The following GALNT14 variants were observed in gnomAD, a reference collection of about 807,000 sequenced individuals.
GALNT14 encodes UDP-GalNAc:polypeptide N-acetylgalactosaminyltransferase 14.
In GALNT14, 60 loss-of-function variants were observed where a neutral mutation model predicts 77.5. The ratio of observed to expected loss-of-function variants is 0.77; its 90% confidence interval spans 0.63 to 0.96. The LOEUF (loss-of-function observed/expected upper bound fraction) is 0.96, where lower values mean the gene tolerates loss of function less well. Ranked by LOEUF, GALNT14 falls within the 40% of genes least tolerant of loss-of-function variation. The probability of loss-of-function intolerance (pLI) is 0.00; values close to 1 mark genes in which losing one functional copy is unlikely to be tolerated. For synonymous variants in GALNT14, 280 were observed against 281.7 expected (o/e 0.99, Z 0.06); for missense variants, 710 against 731.0 (o/e 0.97, Z 0.33).
intron 1 of GALNT14, among the ~76,000 whole-genome samples, chr2:31,037,573 A>C (rs1403094492): frequency 6.6e-6 from 1 of 152,094 alleles, no homozygotes; most frequent in African/African-American, 2.4e-5. Context: ...CATATCTCTT[A>C]ATCTTTGCTG....
At chr2:31,004,656 C>A (rs1670560450) in intron 1 of GALNT14, among the ~76,000 whole-genome samples, 1 of 152,126 alleles carries the variant, frequency 6.6e-6, no homozygotes, top group South Asian at 2.1e-4. Flanking sequence ...AGAGCAGCCT[C>A]CAACAGGACA....
chr2:31,002,298 T>A (rs932989001), intron 1 of GALNT14, among the ~76,000 whole-genome samples: 1 of 152,068 alleles, frequency 6.6e-6, no homozygotes, highest in East Asian at 1.9e-4. Context: ...GGCGTGGTGA[T>A]GTGCGCCCGT....
chr2:31,055,192 C>G (rs1674133756), intron 1 of GALNT14, among the ~76,000 whole-genome samples: 1 of 152,232 alleles, frequency 6.6e-6, no homozygotes, highest in African/African-American at 2.4e-5. Flanking sequence ...TCGCTGCTCT[C>G]AAATGGATCA....
intron 1 of GALNT14, among the ~76,000 whole-genome samples, chr2:31,058,022 G>A (rs534381842): frequency 6.6e-6 from 1 of 152,254 alleles, no homozygotes; most frequent in South Asian, 2.1e-4. Flanking sequence ...CCCTCCACCA[G>A]TAACACTATT....
intron 2 of GALNT14, among the ~76,000 whole-genome samples, chr2:30,971,906 C>G (rs566057197): frequency 6.6e-6 from 1 of 152,206 alleles, no homozygotes; most frequent in East Asian, 1.9e-4. Context: ...CAGCCTATAA[C>G]GGAGAGCGTG....
At chr2:31,031,510 C>T (rs994243929) in intron 1 of GALNT14, among the ~76,000 whole-genome samples, 4 of 152,088 alleles carry the variant, frequency 2.6e-5, no homozygotes, top group African/African-American at 9.7e-5. Context: ...CATGGCCATG[C>T]AAATCCTTTG....
intron 1 of GALNT14, among the ~76,000 whole-genome samples, chr2:31,010,463 A>T (rs1333414243): frequency 6.6e-6 from 1 of 152,154 alleles, no homozygotes; most frequent in East Asian, 1.9e-4. Flanking sequence ...ATAAATAAAT[A>T]AATTAGCCGG....
chr2:30,961,003 G>A (rs925389380), intron 3 of GALNT14, among the ~76,000 whole-genome samples: 2 of 152,226 alleles, frequency 1.3e-5, no homozygotes, highest in African/African-American at 4.8e-5. Context: ...GTACACAGGT[G>A]GCTTCTACAC....
chr2:31,092,419 T>C (rs1171185855), intron 1 of GALNT14, among the ~76,000 whole-genome samples: 1 of 151,928 alleles, frequency 6.6e-6, no homozygotes, highest in East Asian at 1.9e-4. Context: ...ATCATCACAG[T>C]TGGGGTTAAG....
At chr2:30,986,743 C>T (rs913360760) in intron 2 of GALNT14, among the ~76,000 whole-genome samples, 9 of 152,168 alleles carry the variant, frequency 5.9e-5, no homozygotes, top group African/African-American at 9.7e-5. Flanking sequence ...ACAGTGAATT[C>T]GTTATTTAAA....
intron 1 of GALNT14, among the ~76,000 whole-genome samples, chr2:31,043,817 G>C (rs1186717198): frequency 6.6e-6 from 1 of 152,160 alleles, no homozygotes; most frequent in African/African-American, 2.4e-5. Context: ...TATAAATAAA[G>C]AATGAAAATA....
chr2:31,093,343 C>T (rs1676849921), intron 1 of GALNT14, among the ~76,000 whole-genome samples: 1 of 152,176 alleles, frequency 6.6e-6, no homozygotes, highest in Non-Finnish European at 1.5e-5. Flanking sequence ...ACAGATTAGT[C>T]TCATTTTGCA....
intron 7 of GALNT14, 110 bp from the exon 8 acceptor site, chr2:30,945,052 A>C: frequency 1.1e-6 from 1 of 889,530 alleles, no homozygotes. Context: ...GGTAGGTCTC[A>C]AAGAGGCCGG....
intron 1 of GALNT14, among the ~76,000 whole-genome samples, chr2:31,006,903 CT>C (rs1670707190): frequency 6.6e-6 from 1 of 152,186 alleles, no homozygotes. Flanking sequence ...GAGGATAGAT[CT>C]CCCCAGATAG....
intron 3 of GALNT14, among the ~76,000 whole-genome samples, chr2:30,963,289 A>C (rs1667803108): frequency 6.6e-6 from 1 of 152,202 alleles, no homozygotes; most frequent in South Asian, 2.1e-4. Flanking sequence ...TACCTCCAGG[A>C]AACCCAGGAA....
chr2:30,997,174 C>T lies in GALNT14; in HGVS notation c.130-4167G>A, dbSNP rs138731665. 6.8e-3 allele frequency among the ~76,000 whole-genome samples: 1,038 copies of T among 152,226 alleles called. 8 individuals carry two copies. Among genetic ancestry groups the T allele is most frequent in the South Asian group, 0.021 (99 of 4,814 alleles). ...CTCCCAACACCAAAGACAGAAACAA[C>T]AAGAAGCATCTCCTCTACTGAGGGT... On this transcript the variant is annotated intron_variant, in intron 1 of 14. Transcript: ENST00000349752.
At chr2:31,069,434 A>G (rs559335391) in intron 1 of GALNT14, among the ~76,000 whole-genome samples, 3 of 152,324 alleles carry the variant, frequency 2.0e-5, no homozygotes, top group Non-Finnish European at 4.4e-5. Flanking sequence ...GTATTTCCCC[A>G]GTTATTCTTC....
At position 31,016,754 on chromosome 2, in the gene GALNT14, C is replaced by T. The variant is rs1229480522; in HGVS notation, c.130-23747G>A. Among the ~76,000 whole-genome samples, 6 of 152,176 alleles carry T rather than the reference C, an allele frequency of 3.9e-5. No individual in the cohort carries two copies. In the East Asian group the frequency reaches 1.2e-3, roughly 29 times the overall value. ...GAAATCTCCTACTATGAGATACATC[C>T]TTGCAGAGCATCTTCCCCCGCCTGC... On this transcript the variant is annotated intron_variant, in intron 1 of 14. Coordinates refer to ENST00000349752, the MANE Select transcript of GALNT14 (RefSeq NM_024572.4).
At chr2:30,948,819 C>T (rs1265916595) in intron 6 of GALNT14, among the ~76,000 whole-genome samples, 1 of 152,178 alleles carries the variant, frequency 6.6e-6, no homozygotes, top group Non-Finnish European at 1.5e-5. Context: ...AGACTGCAAT[C>T]CTGTTTTGCT....
Sources: gnomAD v4.1 joint callset for allele counts (sites outside exome capture counted in the v4.1 genomes callset) on GRCh38, gnomAD v4.1.1 for gene constraint, MANE v1.5 for transcripts, NCBI Gene and HGNC (gene_info 2026-07-23, HGNC 2026-07-21) for gene names.